The following NAV3 variants were observed in gnomAD, a reference collection of about 807,000 sequenced individuals.
The protein encoded by NAV3 is pore membrane and/or filament interacting like protein 1.
Under a neutral mutation model 244.7 loss-of-function variants are expected in NAV3, and 87 were observed. The observed-to-expected ratio is 0.36, with a 90% CI of 0.30 to 0.42. The LOEUF is 0.42. Ranked by LOEUF, NAV3 falls within the 20% of genes least tolerant of loss-of-function variation. The probability of loss-of-function intolerance (pLI) is 1.00; values close to 1 mark genes in which losing one functional copy is unlikely to be tolerated. For missense variants in NAV3, 2,663 were observed against 2,893.3 expected, an observed-to-expected ratio of 0.92 and a Z score of 1.83; for synonymous variants, 1,126 against 1,042.2, an observed-to-expected ratio of 1.08 and a Z score of -1.55.
At chr12:77,691,359 A>ATATATC (rs1195596212) in intron 2 of NAV3, among the ~76,000 whole-genome samples, 2 of 138,254 alleles carry the variant, frequency 1.4e-5, no homozygotes. Flanking sequence ...ATATATACAT[A>ATATATC]TCCATTCTTG....
At chr12:78,145,428 A>G (rs1956826541) in intron 20 of NAV3, among the ~76,000 whole-genome samples, 1 of 152,200 alleles carries the variant, frequency 6.6e-6, no homozygotes, top group African/African-American at 2.4e-5. Flanking sequence ...GTGTCAATTA[A>G]TCTAGAACTA....
At chr12:77,941,756 AAT>A (rs1169132810) in intron 3 of NAV3, among the ~76,000 whole-genome samples, 1 of 152,172 alleles carries the variant, frequency 6.6e-6, no homozygotes, top group African/African-American at 2.4e-5. Context: ...TAGAGATAAA[AAT>A]ATGTTTCTTA....
chr12:77,798,379 G>C (rs574984020), intron 2 of NAV3, among the ~76,000 whole-genome samples: 1 of 151,936 alleles, frequency 6.6e-6, no homozygotes, highest in Admixed American at 6.6e-5. Flanking sequence ...AAATAAATTT[G>C]CTAAGTATAA....
At chr12:77,590,148 G>T (rs1309346779) in intron 2 of NAV3, among the ~76,000 whole-genome samples, 4 of 152,150 alleles carry the variant, frequency 2.6e-5, no homozygotes, top group African/African-American at 9.7e-5. Flanking sequence ...TATCATAAAT[G>T]GCAAAGGAAC....
At chr12:77,804,224 A>G (rs1871854678) in intron 2 of NAV3, among the ~76,000 whole-genome samples, 1 of 152,122 alleles carries the variant, frequency 6.6e-6, no homozygotes, top group Admixed American at 6.5e-5. Context: ...GGCTTTGTCC[A>G]TGCCTATGTT....
chr12:78,113,202 G>A (rs1454302786), intron 12 of NAV3, among the ~76,000 whole-genome samples: 2 of 152,230 alleles, frequency 1.3e-5, no homozygotes, highest in African/African-American at 4.8e-5. Context: ...TTGAGTGCCT[G>A]CAGCTTTTCC....
chr12:77,896,172 A>G (rs1221968405), intron 1 of NAV3, among the ~76,000 whole-genome samples: 2 of 152,150 alleles, frequency 1.3e-5, no homozygotes, highest in African/African-American at 4.8e-5. Context: ...TTTAATTGTC[A>G]GGCCACAGAA....
At chr12:77,926,806 T>A (rs1241919982) in intron 1 of NAV3, among the ~76,000 whole-genome samples, 2 of 152,172 alleles carry the variant, frequency 1.3e-5, no homozygotes, top group African/African-American at 4.8e-5. Context: ...GAACCTGCAT[T>A]TTGAGAACTA....
intron 12 of NAV3, among the ~76,000 whole-genome samples, chr12:78,059,364 C>T (rs1355961278): frequency 1.3e-5 from 2 of 152,076 alleles, no homozygotes; most frequent in East Asian, 3.8e-4. Flanking sequence ...TCTCAGCTCA[C>T]TGCAACCTCT....
At chr12:77,697,921 G>A (rs1875387780) in intron 2 of NAV3, among the ~76,000 whole-genome samples, 1 of 152,154 alleles carries the variant, frequency 6.6e-6, no homozygotes, top group Admixed American at 6.6e-5. Context: ...TTAAAAAGCA[G>A]TGGAGATGAT....
chr12:77,589,635 C>A (rs1869812559), intron 2 of NAV3, among the ~76,000 whole-genome samples: 1 of 152,178 alleles, frequency 6.6e-6, no homozygotes, highest in Non-Finnish European at 1.5e-5. Flanking sequence ...AATTTACTCA[C>A]TATTGTCAGA....
chr12:78,187,906 A>G (rs559314041), intron 31 of NAV3, among the ~76,000 whole-genome samples: 26 of 152,060 alleles, frequency 1.7e-4, no homozygotes, highest in African/African-American at 4.8e-4. Context: ...TTAAGAAAGT[A>G]TGCACTGCAT....
At chr12:77,818,274 C>T (rs958992656) in intron 2 of NAV3, among the ~76,000 whole-genome samples, 3 of 151,980 alleles carry the variant, frequency 2.0e-5, no homozygotes, top group African/African-American at 7.2e-5. Flanking sequence ...GTTGAGAGTG[C>T]AAATATACCA....
At chr12:77,795,072 G>A (rs1871345543) in intron 2 of NAV3, among the ~76,000 whole-genome samples, 1 of 152,146 alleles carries the variant, frequency 6.6e-6, no homozygotes, top group African/African-American at 2.4e-5. Context: ...ATTGAAGAAG[G>A]CACATTGAAA....
intron 2 of NAV3, among the ~76,000 whole-genome samples, chr12:77,724,792 A>G (rs1219915164): frequency 1.3e-5 from 2 of 151,978 alleles, no homozygotes. Context: ...AGAACATAAT[A>G]TTCATGTAAT....
chr12:78,083,677 A>T (rs1192561623), intron 12 of NAV3, among the ~76,000 whole-genome samples: 1 of 152,146 alleles, frequency 6.6e-6, no homozygotes, highest in African/African-American at 2.4e-5. Context: ...GTCCTTAGTG[A>T]AAACTTCACC....
At chr12:77,955,344 T>C (rs1231835324) in intron 3 of NAV3, among the ~76,000 whole-genome samples, 3 of 152,106 alleles carry the variant, frequency 2.0e-5, no homozygotes, top group Non-Finnish European at 4.4e-5. Context: ...AAAACCTTCC[T>C]AACCTCTCAG....
intron 2 of NAV3, among the ~76,000 whole-genome samples, chr12:77,634,733 A>C (rs147747318): frequency 6.6e-6 from 1 of 152,104 alleles, no homozygotes; most frequent in South Asian, 2.1e-4. Flanking sequence ...AAAAAAATTC[A>C]GTGGTAATTT....
At chr12:77,966,903 A>T (rs559943262) in intron 4 of NAV3, among the ~76,000 whole-genome samples, 8 of 152,176 alleles carry the variant, frequency 5.3e-5, no homozygotes, top group Non-Finnish European at 1.0e-4. Flanking sequence ...CTTTTTTCTG[A>T]GTTTATTTTA....
Sources: gnomAD v4.1 joint callset for allele counts (sites outside exome capture counted in the v4.1 genomes callset) on GRCh38, gnomAD v4.1.1 for gene constraint, MANE v1.5 for transcripts, NCBI Gene and HGNC (gene_info 2026-07-23, HGNC 2026-07-21) for gene names.